Variants in STK39 observed in about 807,000 individuals in gnomAD.
The protein encoded by STK39 is serine/threonine kinase 39, also known as STE20/SPS1-related proline-alanine-rich protein kinase.
In STK39, 20 loss-of-function variants were observed where a neutral mutation model predicts 77.8. The observed-to-expected ratio is 0.26, with a 90% CI of 0.18 to 0.37. The LOEUF is 0.37. STK39 is among the 10% of genes least tolerant of loss of function. The probability of loss-of-function intolerance (pLI) is 1.00; values close to 1 mark genes in which losing one functional copy is unlikely to be tolerated. For missense variants in STK39, 479 were observed against 656.5 expected (o/e 0.73, Z 2.95); for synonymous variants, 246 against 234.1 (o/e 1.05, Z -0.47).
At chr2:168,165,848 T>C (rs574614356) in intron 3 of STK39, among the ~76,000 whole-genome samples, 176 of 152,296 alleles carry the variant, frequency 1.2e-3, no homozygotes, top group African/African-American at 4.1e-3. Flanking sequence ...GGCTCTATCA[T>C]ATAAATTCTG....
chr2:168,144,748 CATAA>C (rs771801706), intron 5 of STK39, among the ~76,000 whole-genome samples: 2 of 151,848 alleles, frequency 1.3e-5, no homozygotes, highest in Non-Finnish European at 2.9e-5. Context: ...AGGGGATAAG[CATAA>C]ATATTTTACA....
chr2:168,100,342 T>A (rs559124071), intron 10 of STK39, among the ~76,000 whole-genome samples: 1 of 152,306 alleles, frequency 6.6e-6, no homozygotes, highest in South Asian at 2.1e-4. Flanking sequence ...GCAGGGGATC[T>A]GGGTTCTAGT....
intron 3 of STK39, among the ~76,000 whole-genome samples, chr2:168,166,812 GGCA>G (rs1688704311): frequency 1.3e-5 from 2 of 152,096 alleles, no homozygotes; most frequent in South Asian, 4.1e-4. Context: ...TCTGATAAAT[GGCA>G]CTGAGATAAT....
intron 16 of STK39, among the ~76,000 whole-genome samples, chr2:167,975,203 TAA>T (rs1433252263): frequency 6.6e-6 from 1 of 152,168 alleles, no homozygotes; most frequent in Admixed American, 6.5e-5. Context: ...AAAATGCAAA[TAA>T]ATTACTCTTG....
chr2:168,157,896 T>C (rs899935143), intron 5 of STK39, among the ~76,000 whole-genome samples: 45 of 152,222 alleles, frequency 3.0e-4, no homozygotes, highest in Admixed American at 5.9e-4. Context: ...GAAATCAACA[T>C]TTTTATAGAA....
chr2:168,151,365 C>T (rs1669734596), intron 5 of STK39, among the ~76,000 whole-genome samples: 1 of 152,212 alleles, frequency 6.6e-6, no homozygotes, highest in African/African-American at 2.4e-5. Flanking sequence ...ACATTGCCAT[C>T]AACCAGTTTC....
chr2:167,994,907 C>T (rs12692869), intron 16 of STK39, among the ~76,000 whole-genome samples: 83,688 of 151,680 alleles, frequency 0.55, 24,320 homozygotes, highest in African/African-American at 0.66. Context: ...TATATAAATA[C>T]AGAATAACAG....
At chr2:168,200,006 A>T (rs921488965) in intron 1 of STK39, among the ~76,000 whole-genome samples, 2 of 152,206 alleles carry the variant, frequency 1.3e-5, no homozygotes, top group African/African-American at 2.4e-5. Flanking sequence ...CTCATATTTG[A>T]TTTCAAGATA....
At chr2:168,182,236 G>C (rs1029104865) in intron 1 of STK39, 146 bp from the exon 2 acceptor site, 1 of 589,602 alleles carries the variant, frequency 1.7e-6, no homozygotes, top group Non-Finnish European at 2.9e-6. Context: ...TTTTTAAAGA[G>C]TTTCTTAAAT....
chr2:168,195,961 G>A (rs1371931013), intron 1 of STK39, among the ~76,000 whole-genome samples: 1 of 152,218 alleles, frequency 6.6e-6, no homozygotes, highest in Non-Finnish European at 1.5e-5. Flanking sequence ...AGATTGCAGT[G>A]GGCCAAGATC....
chr2:168,170,400 C>T (rs753847642), intron 2 of STK39, among the ~76,000 whole-genome samples: 2 of 152,198 alleles, frequency 1.3e-5, no homozygotes, highest in African/African-American at 4.8e-5. Flanking sequence ...CTGATTCTTT[C>T]GACAGAATGA....
intron 3 of STK39, among the ~76,000 whole-genome samples, chr2:168,166,261 C>G (rs978293180): frequency 2.0e-5 from 3 of 152,124 alleles, no homozygotes; most frequent in African/African-American, 7.2e-5. Flanking sequence ...AGTAAATTGC[C>G]TTGGACAGGA....
At chr2:168,001,469 A>G (rs1683999575) in intron 16 of STK39, among the ~76,000 whole-genome samples, 1 of 151,976 alleles carries the variant, frequency 6.6e-6, no homozygotes, top group African/African-American at 2.4e-5. Context: ...TAAGTAGTGC[A>G]AGATTAAGAA....
intron 1 of STK39, chr2:168,232,113 C>A: frequency 4.0e-6 from 1 of 251,048 alleles, no homozygotes. Context: ...ACACTCATCA[C>A]ATCACCAGAG....
At chr2:167,986,738 T>C (rs1378797031) in intron 16 of STK39, among the ~76,000 whole-genome samples, 1 of 152,110 alleles carries the variant, frequency 6.6e-6, no homozygotes, top group East Asian at 1.9e-4. Flanking sequence ...CGTGAGGTCA[T>C]TATGAGGTGT....
intron 2 of STK39, among the ~76,000 whole-genome samples, chr2:168,177,944 T>G (rs1688993914): frequency 6.6e-6 from 1 of 152,180 alleles, no homozygotes; most frequent in South Asian, 2.1e-4. Flanking sequence ...AAAACATCCC[T>G]TAGTTCAAAA....
At chr2:168,214,276 C>A (rs1574562324) in intron 1 of STK39, among the ~76,000 whole-genome samples, 1 of 151,856 alleles carries the variant, frequency 6.6e-6, no homozygotes. Flanking sequence ...ACACAAGGTC[C>A]ACTAAAAAGT....
chr2:168,158,804 A>C (rs1303266259), intron 5 of STK39, among the ~76,000 whole-genome samples: 2 of 152,208 alleles, frequency 1.3e-5, no homozygotes, highest in Non-Finnish European at 2.9e-5. Context: ...AGAATCCAAA[A>C]CCTAGCCTGA....
rs4000936 is a variant in STK39 at position 168,013,793 on chromosome 2, GGTGTGTGTGTGT to G, written c.1430-1103_1430-1092del. Among the ~76,000 whole-genome samples, 711 of 147,762 alleles carry G rather than the reference GGTGTGTGTGTGT, an allele frequency of 4.8e-3. 4 individuals carry two copies. The highest frequency in any genetic ancestry group is 0.015 in the East Asian group (73 of 4,982). On this transcript the variant is annotated intron_variant, in intron 15 of 17. Coordinates refer to ENST00000355999, the MANE Select transcript of STK39 (RefSeq NM_013233.3). ...GATGTGGTGACTATGTAAGTGGGCT[GGTGTGTGTGTGT>G]GTGTGTGTGTGTGTGTGTGTGTGTG...
Sources: gnomAD v4.1 joint callset for allele counts (sites outside exome capture counted in the v4.1 genomes callset) on GRCh38, gnomAD v4.1.1 for gene constraint, MANE v1.5 for transcripts, NCBI Gene and HGNC (gene_info 2026-07-23, HGNC 2026-07-21) for gene names.